Variants in FAT3 observed in about 807,000 individuals in gnomAD.
The protein encoded by FAT3 is protocadherin Fat 3.
In FAT3, 95 loss-of-function variants were observed where a neutral mutation model predicts 310.2. The observed-to-expected ratio is 0.31, with a 90% CI of 0.26 to 0.36. FAT3 has a LOEUF of 0.36. Ranked by LOEUF, FAT3 falls within the 10% of genes least tolerant of loss-of-function variation. The pLI, the probability that FAT3 is intolerant of heterozygous loss-of-function variation, is 1.00. For missense variants in FAT3, 5,408 were observed against 5,715.6 expected, an observed-to-expected ratio of 0.95 and a Z score of 1.74; for synonymous variants, 2,314 against 2,192.9, an observed-to-expected ratio of 1.06 and a Z score of -1.54.
At chr11:92,493,415 T>C (rs1447410124) in intron 2 of FAT3, among the ~76,000 whole-genome samples, 1 of 152,118 alleles carries the variant, frequency 6.6e-6, no homozygotes, top group Non-Finnish European at 1.5e-5. Flanking sequence ...TGGACTGAAC[T>C]CTGCCTAGAA....
chr11:92,748,103 G>T (rs1390031566), intron 4 of FAT3, among the ~76,000 whole-genome samples: 2 of 152,142 alleles, frequency 1.3e-5, no homozygotes, highest in African/African-American at 4.8e-5. Context: ...CATACTCAAG[G>T]CTGGGTAATT....
chr11:92,761,658 C>T (rs748783364), intron 4 of FAT3, among the ~76,000 whole-genome samples, 198 bp from the exon 5 acceptor site: 1 of 151,860 alleles, frequency 6.6e-6, no homozygotes, highest in Non-Finnish European at 1.5e-5. Context: ...CACATATGGG[C>T]AGTTAGAGCA....
At chr11:92,844,822 C>T (rs1948647183) in intron 19 of FAT3, 90 bp downstream of exon 19, 4 of 1,329,158 alleles carry the variant, frequency 3.0e-6, no homozygotes, top group East Asian at 2.5e-5. Flanking sequence ...TTCAATCATT[C>T]GTTCAACTAA....
At chr11:92,595,408 GT>G (rs763659177) in intron 3 of FAT3, among the ~76,000 whole-genome samples, 1 of 152,140 alleles carries the variant, frequency 6.6e-6, no homozygotes, top group Non-Finnish European at 1.5e-5. Context: ...AACAAAAAGT[GT>G]TTTATTTATT....
At chr11:92,374,256 G>A (rs1489942525) in intron 2 of FAT3, among the ~76,000 whole-genome samples, 2 of 152,154 alleles carry the variant, frequency 1.3e-5, no homozygotes, top group African/African-American at 2.4e-5. Context: ...AGTCAAGTTA[G>A]CACCTAAAAT....
intron 22 of FAT3, among the ~76,000 whole-genome samples, chr11:92,879,572 G>A (rs1309402747): frequency 2.0e-5 from 3 of 152,050 alleles, no homozygotes; most frequent in East Asian, 1.9e-4. Context: ...AAATACAATC[G>A]AGCTTACTAC....
intron 3 of FAT3, among the ~76,000 whole-genome samples, chr11:92,542,498 C>T (rs1235587728): frequency 6.6e-6 from 1 of 151,350 alleles, no homozygotes; most frequent in African/African-American, 2.4e-5. Context: ...AAAAAAAAGA[C>T]ATACATAACT....
chr11:92,739,321 G>A (rs1945440383), intron 4 of FAT3, among the ~76,000 whole-genome samples: 2 of 147,504 alleles, frequency 1.4e-5, no homozygotes, highest in Admixed American at 1.3e-4. Context: ...GAGATTTCCA[G>A]GGAAGACTGT....
chr11:92,510,791 A>G (rs1953264800), intron 2 of FAT3, among the ~76,000 whole-genome samples: 1 of 152,224 alleles, frequency 6.6e-6, no homozygotes, highest in Non-Finnish European at 1.5e-5. Flanking sequence ...TCCAACTTAC[A>G]GCCTTGAGAA....
chr11:92,773,857 G>T (rs1946523892), intron 6 of FAT3, among the ~76,000 whole-genome samples, 184 bp from the exon 7 acceptor site: 1 of 152,050 alleles, frequency 6.6e-6, no homozygotes, highest in African/African-American at 2.4e-5. Flanking sequence ...CATTGTAGAG[G>T]CTGTGTTTTG....
intron 4 of FAT3, among the ~76,000 whole-genome samples, chr11:92,708,295 A>C (rs1591633829): frequency 6.6e-6 from 1 of 152,326 alleles, no homozygotes; most frequent in South Asian, 2.1e-4. Context: ...CAGTGAAAAA[A>C]ATCTCTTATA....
intron 3 of FAT3, among the ~76,000 whole-genome samples, chr11:92,676,702 G>T (rs1479626932): frequency 1.3e-5 from 2 of 152,286 alleles, no homozygotes; most frequent in Non-Finnish European, 2.9e-5. Flanking sequence ...TTACGGGATG[G>T]CTGGAGAACT....
At chr11:92,838,252 T>A (rs188979742) in intron 17 of FAT3, among the ~76,000 whole-genome samples, 1 of 152,342 alleles carries the variant, frequency 6.6e-6, no homozygotes, top group East Asian at 1.9e-4. Flanking sequence ...TTCTGGCAGA[T>A]GACAGAGATT....
At position 92,891,043 on chromosome 11, in the gene FAT3, G is replaced by A. The variant is rs1949908544; in HGVS notation, c.13700G>A (p.Ser4567Asn). The A allele has an allele frequency of 6.2e-7, 1 of 1,613,890 alleles. No homozygotes were observed. Among genetic ancestry groups the A allele is most frequent in the Non-Finnish European group, 8.5e-7 (1 of 1,179,878 alleles). The change falls in exon 28 of 28, where the codon AGC becomes AAC. Residue 4567 changes from serine (S) to asparagine (N), a missense_variant. Transcript: ENST00000525166. ...DSEVAMSDYE[S>N]VGELSLASLH... Reference sequence around the variant, plus strand: ...GAAGTAGCCATGAGTGACTACGAGAGCGTGGGAGAGCTCAGCCTCGCCAGC... The same window carrying A: ...GAAGTAGCCATGAGTGACTACGAGAACGTGGGAGAGCTCAGCCTCGCCAGC...
At chr11:92,253,182 C>T (rs1255934975) in intron 1 of FAT3, among the ~76,000 whole-genome samples, 1 of 152,026 alleles carries the variant, frequency 6.6e-6, no homozygotes, top group African/African-American at 2.4e-5. Context: ...TTGGGCAGTG[C>T]TGGGAGGCCC....
intron 3 of FAT3, among the ~76,000 whole-genome samples, chr11:92,566,319 T>C (rs12807123): frequency 0.39 from 59,225 of 151,778 alleles, 12,279 homozygotes; most frequent in Middle Eastern, 0.53. Context: ...CCTAGGAATC[T>C]ACCTTACAAG....
intron 1 of FAT3, among the ~76,000 whole-genome samples, chr11:92,267,982 C>T (rs577694838): frequency 5.3e-4 from 79 of 150,190 alleles, no homozygotes; most frequent in Non-Finnish European, 1.0e-3. Flanking sequence ...TTTCTTCCTT[C>T]AGTGTACATT....
intron 3 of FAT3, among the ~76,000 whole-genome samples, chr11:92,623,845 A>G (rs1941203662): frequency 6.6e-6 from 1 of 152,088 alleles, no homozygotes; most frequent in African/African-American, 2.4e-5. Flanking sequence ...CGGGAGGCTG[A>G]GGCAGGAGAA....
intron 3 of FAT3, among the ~76,000 whole-genome samples, chr11:92,660,682 T>C (rs1290899680): frequency 2.6e-5 from 4 of 152,174 alleles, no homozygotes; most frequent in Non-Finnish European, 4.4e-5. Flanking sequence ...GAACTCTGGG[T>C]CTCTCATGCT....
Sources: gnomAD v4.1 joint callset for allele counts (sites outside exome capture counted in the v4.1 genomes callset) on GRCh38, gnomAD v4.1.1 for gene constraint, MANE v1.5 for transcripts, NCBI Gene and HGNC (gene_info 2026-07-23, HGNC 2026-07-21) for gene names.